Variants in EHMT1 observed in about 807,000 individuals in gnomAD.
The protein encoded by EHMT1 is euchromatic histone lysine methyltransferase 1.
EHMT1 carries 15 observed loss-of-function variants against 147.2 expected under a neutral mutation model. The ratio of observed to expected loss-of-function variants is 0.10; its 90% CI spans 0.07 to 0.16. The LOEUF is 0.16. Ranked by LOEUF, EHMT1 falls within the 10% of genes least tolerant of loss-of-function variation. The pLI is 1.00. For synonymous variants in EHMT1, 795 were observed against 709.6 expected, an observed-to-expected ratio of 1.12 and a Z score of -1.91; for missense variants, 1,587 against 1,772.4, an observed-to-expected ratio of 0.90 and a Z score of 1.88.
chr9:137,683,802 TA>T (rs1564583513), intron 1 of EHMT1, among the ~76,000 whole-genome samples: 1 of 152,180 alleles, frequency 6.6e-6, no homozygotes, highest in Non-Finnish European at 1.5e-5. Flanking sequence ...TTAAAAAAAT[TA>T]TACAATGACA....
chr9:137,823,778 G>C (rs764869772), intron 25 of EHMT1, among the ~76,000 whole-genome samples: 3 of 151,528 alleles, frequency 2.0e-5, no homozygotes, highest in African/African-American at 7.3e-5. Flanking sequence ...GGCTGGTCTC[G>C]AACTCCTGAC....
At chr9:137,668,676 T>G (rs1410444757) in intron 1 of EHMT1, among the ~76,000 whole-genome samples, 4 of 152,222 alleles carry the variant, frequency 2.6e-5, no homozygotes, top group African/African-American at 7.2e-5. Flanking sequence ...TCCCTGTCGA[T>G]TTGCCTGTTC....
At chr9:137,725,081 TGGGCAGGCGTGTGGCATTCCTG>T (rs1185206848) in intron 3 of EHMT1, among the ~76,000 whole-genome samples, 16 of 122,662 alleles carry the variant, frequency 1.3e-4, no homozygotes, top group East Asian at 7.4e-4. Flanking sequence ...GTGGCATTCA[TGGGCAGGCGTGTGGCATTCCTG>T]GGGCAGGCGT....
intron 1 of EHMT1, among the ~76,000 whole-genome samples, chr9:137,694,037 G>T (rs1445131849): frequency 1.5e-4 from 14 of 93,812 alleles, no homozygotes; most frequent in South Asian, 4.3e-4. Flanking sequence ...GGTGCTGGAC[G>T]CTGGCCGATA....
At position 137,800,891 on chromosome 9, in the gene EHMT1, C is replaced by T. The variant is rs758110852; in HGVS notation, c.2619C>T (p.Gly873=). 6 of 1,614,014 alleles carry T rather than the reference C, an allele frequency of 3.7e-6. No homozygotes were observed. The Admixed American group carries it at 8.3e-5, about 22-fold the overall frequency. ...CTCTTCCCTGGCAGGATGACGGAGGCTGGACACCCATGATCTGGGCCACAG... is the reference window on the plus strand; with the variant it reads ...CTCTTCCCTGGCAGGATGACGGAGGTTGGACACCCATGATCTGGGCCACAG... ...QMDVNCQDDG[G]WTPMIWATEY... is the part of the protein sequence containing the mutation. The change falls in exon 18 of 27, where the codon GGC becomes GGT. Residue 873 remains glycine (G), a synonymous_variant. Transcript: ENST00000460843.
At chr9:137,666,557 G>A (rs998155026) in intron 1 of EHMT1, among the ~76,000 whole-genome samples, 1 of 152,246 alleles carries the variant, frequency 6.6e-6, no homozygotes, top group Non-Finnish European at 1.5e-5. Flanking sequence ...GCAAGGGCTG[G>A]CCGTGCCACG....
chr9:137,622,551 A>G (rs563098750), intron 1 of EHMT1, among the ~76,000 whole-genome samples: 52 of 152,294 alleles, frequency 3.4e-4, no homozygotes, highest in African/African-American at 1.1e-3. Flanking sequence ...ATGGACTTCC[A>G]TTAATGGTGA....
intron 9 of EHMT1, among the ~76,000 whole-genome samples, chr9:137,758,854 G>A (rs1015416017): frequency 5.3e-5 from 8 of 152,070 alleles, no homozygotes; most frequent in African/African-American, 1.9e-4. Flanking sequence ...CCGGCTGGGC[G>A]CGGTGGCTCA....
At chr9:137,738,539 G>A (rs1002744253) in intron 4 of EHMT1, 8 of 152,088 alleles carry the variant, frequency 5.3e-5, no homozygotes, top group Non-Finnish European at 1.0e-4. Flanking sequence ...TCCACTGCTG[G>A]GCACGTGCCC....
At chr9:137,820,365 C>T (rs1191273926) in intron 25 of EHMT1, among the ~76,000 whole-genome samples, 2 of 152,242 alleles carry the variant, frequency 1.3e-5, no homozygotes, top group Non-Finnish European at 2.9e-5. Context: ...TGGAACGACT[C>T]GCCTTCTGTG....
intron 3 of EHMT1, among the ~76,000 whole-genome samples, chr9:137,721,152 C>CCCCTCCCAGACTTCTCACACTCAA (rs386418538): frequency 8.7e-6 from 1 of 114,356 alleles, no homozygotes; most frequent in African/African-American, 3.8e-5. Context: ...CTCACACTCA[C>CCCCTCCCAGACTTCTCACACTCAA]CCCTCCCAGA....
Position 137,786,080 on chromosome 9 carries a change from G to A in EHMT1, c.2382+3683G>A, listed in dbSNP as rs10867067. The A allele has an allele frequency of 0.5, 76,544 of 152,238 alleles. 22,360 individuals carry two copies. The highest frequency in any genetic ancestry group is 0.87 in the East Asian group (4,499 of 5,166). The allele number at this position is 152,238 out of a possible 1,614,324, so 9.4% of individuals were successfully genotyped here. ...GTGCTCTGTGCTTGTCTGAAACGTCGTCTTTGGGGAGGCCGAGTGAGGGGA... is the reference window on the plus strand; with the variant it reads ...GTGCTCTGTGCTTGTCTGAAACGTCATCTTTGGGGAGGCCGAGTGAGGGGA... On this transcript the variant is annotated intron_variant, in intron 15 of 26. Transcript: ENST00000460843. This position sits in a 1 kb window ranked among gnomAD's most constrained non-coding sequence, Gnocchi z 4.3.
chr9:137,692,585 C>G (rs1943035773), intron 1 of EHMT1, among the ~76,000 whole-genome samples: 1 of 151,982 alleles, frequency 6.6e-6, no homozygotes, highest in African/African-American at 2.4e-5. Flanking sequence ...GTTTTTCCAT[C>G]AACTTTTTCT....
At chr9:137,647,928 T>A (rs1222775318) in intron 1 of EHMT1, among the ~76,000 whole-genome samples, 1 of 152,132 alleles carries the variant, frequency 6.6e-6, no homozygotes, top group Non-Finnish European at 1.5e-5. Flanking sequence ...CGCTCTCTCC[T>A]GCTTTCTTTT....
intron 3 of EHMT1, among the ~76,000 whole-genome samples, chr9:137,718,899 G>A (rs544518874): frequency 2.6e-5 from 4 of 151,934 alleles, no homozygotes; most frequent in Admixed American, 2.6e-4. Flanking sequence ...GGGACTACAG[G>A]CGCCTACCAC....
At chr9:137,638,905 C>A (rs1844282158) in intron 1 of EHMT1, among the ~76,000 whole-genome samples, 1 of 152,202 alleles carries the variant, frequency 6.6e-6, no homozygotes, top group Non-Finnish European at 1.5e-5. Flanking sequence ...GGGGATGGCA[C>A]TCCAAAGCCA....
At chr9:137,631,424 AT>A (rs1843624966) in intron 1 of EHMT1, among the ~76,000 whole-genome samples, 1 of 151,992 alleles carries the variant, frequency 6.6e-6, no homozygotes, top group South Asian at 2.1e-4. Context: ...ATAAAATAAA[AT>A]TGAAAAAGTA....
chr9:137,719,408 C>G (rs1033134724), intron 3 of EHMT1, among the ~76,000 whole-genome samples: 2 of 152,090 alleles, frequency 1.3e-5, no homozygotes, highest in African/African-American at 4.8e-5. Context: ...CTGCTGGCTC[C>G]TCAGGGGCCC....
At chr9:137,767,703 C>T (rs1308421848) in intron 10 of EHMT1, among the ~76,000 whole-genome samples, 1 of 152,048 alleles carries the variant, frequency 6.6e-6, no homozygotes, top group Non-Finnish European at 1.5e-5. Flanking sequence ...ATCCGAGCTA[C>T]TTGGGAGGCT....
Sources: gnomAD v4.1 joint callset for allele counts (sites outside exome capture counted in the v4.1 genomes callset) on GRCh38, gnomAD v4.1.1 for gene constraint, Gnocchi (gnomAD v3.1) non-coding constraint, MANE v1.5 for transcripts, NCBI Gene and HGNC (gene_info 2026-07-23, HGNC 2026-07-21) for gene names.